Variants in CILK1 observed in about 807,000 individuals in gnomAD.
CILK1 encodes ciliogenesis associated kinase 1.
In CILK1, 47 loss-of-function variants were observed where a neutral mutation model predicts 79.2. That is an observed-to-expected ratio of 0.59 (90% CI 0.47 to 0.76). The LOEUF is 0.76. Among genes scored for constraint, CILK1 ranks in the 30% least tolerant of loss-of-function variants. The probability of loss-of-function intolerance (pLI) is 0.00; values close to 1 mark genes in which losing one functional copy is unlikely to be tolerated. For missense variants in CILK1, 660 were observed against 769.5 expected (o/e 0.86, Z 1.68); for synonymous variants, 266 against 275.9 (o/e 0.96, Z 0.36).
Position 53,013,854 on chromosome 6 carries a change from G to A in CILK1, c.960C>T (p.Val320=). ...KAGPPPYIKP[V]PPAQPPAKPH... The stretch of plus-strand genomic sequence containing the variant: ...GCTTGGCTGGTGGCTGGGCAGGTGG[G>A]ACTGGCTTAATATAAGGAGGTGGGC... Residue 320 remains valine (V), a synonymous_variant, in exon 9 of 14, where the codon GTC becomes GTT. Transcript: ENST00000676107. 1 of 1,614,092 alleles carries A rather than the reference G, an allele frequency of 6.2e-7. No homozygotes were observed. Among genetic ancestry groups the A allele is most frequent in the Non-Finnish European group, 8.5e-7 (1 of 1,179,966 alleles).
At chr6:53,017,256 G>A (rs1212569862) in intron 7 of CILK1, among the ~76,000 whole-genome samples, 1 of 152,146 alleles carries the variant, frequency 6.6e-6, no homozygotes, top group Non-Finnish European at 1.5e-5. Context: ...GCTGGGACCT[G>A]GGAAAATAAA....
At position 53,041,304 on chromosome 6, in the gene CILK1, C is replaced by G. The variant is rs890420570; in HGVS notation, c.-68G>C. On this transcript the variant is annotated 5_prime_UTR_variant, in exon 2 of 14. Transcript: ENST00000676107. ...GGTTCAGTTCTGCAGTGGTAGCAGTCCTCCCCAGAGTGTAACCAGATTTTT... is the reference window on the plus strand; with the variant it reads ...GGTTCAGTTCTGCAGTGGTAGCAGTGCTCCCCAGAGTGTAACCAGATTTTT... 15 of 1,092,198 alleles carry G rather than the reference C, an allele frequency of 1.4e-5. No homozygotes were observed. In the African/African-American group the frequency reaches 2.3e-4, roughly 17 times the overall value. 67.7% of individuals were successfully genotyped at this position (1,092,198 alleles called of 1,614,324 possible).
chr6:53,032,838 A>G (rs1046166123), intron 3 of CILK1, among the ~76,000 whole-genome samples, 184 bp from the exon 4 acceptor site: 3 of 152,254 alleles, frequency 2.0e-5, no homozygotes, highest in African/African-American at 7.2e-5. Context: ...AACTTTACAT[A>G]GAAAAACTAC....
chr6:53,043,465 T>C (rs1177413861), intron 1 of CILK1, among the ~76,000 whole-genome samples: 1 of 152,010 alleles, frequency 6.6e-6, no homozygotes, highest in Non-Finnish European at 1.5e-5. Flanking sequence ...CAAACAAGCT[T>C]TTAGAGATCA....
At chr6:53,013,230 T>C (rs1480162600) in intron 9 of CILK1, among the ~76,000 whole-genome samples, 4 of 152,230 alleles carry the variant, frequency 2.6e-5, no homozygotes, top group Non-Finnish European at 4.4e-5. Flanking sequence ...GTGCCAGGTA[T>C]TATTCTAAAT....
rs552714715 is a variant in CILK1, at chr6:53,025,994, G to T, written c.358+5071C>A. Reference sequence around the variant, plus strand: ...GCGGGTAGGTGTGCAGACCAGCCAAGTTGCCTGATTTCAAATCATAATTCT... The same window carrying T: ...GCGGGTAGGTGTGCAGACCAGCCAATTTGCCTGATTTCAAATCATAATTCT... On this transcript the variant is annotated intron_variant, in intron 5 of 13. Coordinates refer to ENST00000676107, the MANE Select transcript of CILK1 (RefSeq NM_014920.5). Among the ~76,000 whole-genome samples the T allele has an allele frequency of 3.3e-5, 5 of 152,264 alleles. No homozygotes were observed. The South Asian group carries it at 1.0e-3, about 32-fold the overall frequency.
intron 4 of CILK1, 81 bp from the exon 5 acceptor site, chr6:53,031,225 C>T: frequency 1.1e-6 from 1 of 886,592 alleles, no homozygotes; most frequent in Admixed American, 1.7e-5. Context: ...ACCATTTGTC[C>T]ATACAGGGGA....
chr6:53,044,787 TC>T (rs1766951414), intron 1 of CILK1, among the ~76,000 whole-genome samples: 1 of 151,938 alleles, frequency 6.6e-6, no homozygotes, highest in African/African-American at 2.4e-5. Flanking sequence ...CTTTTACCTC[TC>T]CCCCACACAC....
At chr6:53,015,527 T>C (rs1764840752) in intron 8 of CILK1, among the ~76,000 whole-genome samples, 1 of 152,224 alleles carries the variant, frequency 6.6e-6, no homozygotes, top group Non-Finnish European at 1.5e-5. Context: ...GTTTTCTCAC[T>C]CACAGAATTG....
chr6:53,030,332 T>C (rs1319209891), intron 5 of CILK1, among the ~76,000 whole-genome samples: 2 of 152,220 alleles, frequency 1.3e-5, no homozygotes, highest in African/African-American at 4.8e-5. Context: ...TCATGTTACA[T>C]ACCGTCCTCT....
At position 53,018,401 on chromosome 6, in the gene CILK1, G is replaced by C; in HGVS notation, c.592C>G (p.Pro198Ala). The change falls in exon 7 of 14, where the codon CCA becomes GCA. Residue 198 changes from proline to alanine, a missense_variant. Transcript: ENST00000676107. The stretch of plus-strand genomic sequence containing the variant: ...ATTTCACTGGCTCCAGGGAAGAGTG[G>C]CCTGAGGGTGTAAACTTCTGCCATG... ...CIMAEVYTLR[P>A]LFPGASEIDT... The C allele has an allele frequency of 1.2e-6, 2 of 1,614,150 alleles. No individual in the cohort carries two copies. The highest frequency in any genetic ancestry group is 1.1e-5 in the South Asian group (1 of 91,078).
chr6:53,009,243 C>T (rs1354331906), intron 12 of CILK1, among the ~76,000 whole-genome samples, 196 bp downstream of exon 12: 1 of 152,238 alleles, frequency 6.6e-6, no homozygotes, highest in African/African-American at 2.4e-5. Context: ...GGAAGGCAGA[C>T]TCCCCTGGGA....
At chr6:53,028,465 C>A (rs1039222936) in intron 5 of CILK1, among the ~76,000 whole-genome samples, 1 of 152,172 alleles carries the variant, frequency 6.6e-6, no homozygotes, top group Non-Finnish European at 1.5e-5. Context: ...TGCAATGGGA[C>A]CTTTCACAGG....
rs779782166 is a variant in CILK1 at position 53,018,395 on chromosome 6, A to C, written c.598T>G (p.Phe200Val). The C allele has an allele frequency of 2.5e-6, 4 of 1,614,094 alleles. No homozygotes were observed. Among genetic ancestry groups the C allele is most frequent in the African/African-American group, 1.3e-5 (1 of 74,932 alleles). ...GTGTCAATTTCACTGGCTCCAGGGA[A>C]GAGTGGCCTGAGGGTGTAAACTTCT... ...MAEVYTLRPLFPGASEIDTIF... is the reference protein window; with the variant it reads ...MAEVYTLRPLVPGASEIDTIF... Residue 200 changes from phenylalanine to valine, a missense_variant, in exon 7 of 14, where the codon TTC becomes GTC. Phe to Val is a conservative substitution (Grantham distance 50, BLOSUM62 -1). Coordinates refer to ENST00000676107, the MANE Select transcript of CILK1 (RefSeq NM_014920.5).
intron 5 of CILK1, among the ~76,000 whole-genome samples, chr6:53,027,880 G>T (rs1280547645): frequency 6.6e-6 from 1 of 152,006 alleles, no homozygotes; most frequent in Non-Finnish European, 1.5e-5. Context: ...GGGCACAGTG[G>T]CTCATGCCTG....
intron 5 of CILK1, among the ~76,000 whole-genome samples, chr6:53,027,138 A>G (rs1765630370): frequency 6.6e-6 from 1 of 152,256 alleles, no homozygotes; most frequent in Admixed American, 6.5e-5. Context: ...TGTTTTTATC[A>G]AGAAGGCTAG....
chr6:53,009,439 CT>C lies in CILK1; in HGVS notation c.1620del (p.Val541LeufsTer11). 1 of 1,614,100 alleles carries C rather than the reference CT, an allele frequency of 6.2e-7. No homozygotes were observed. The highest frequency in any genetic ancestry group is 8.5e-7 in the Non-Finnish European group (1 of 1,179,954). On this transcript the variant is annotated frameshift_variant and splice_region_variant, in exon 12 of 14. Coordinates refer to ENST00000676107, the MANE Select transcript of CILK1 (RefSeq NM_014920.5). LOFTEE classifies it high-confidence loss of function. ...TTAGGGGTTAATGATCATTACTCAC[CT>C]GAATTTACTTTGCTGATTACTGACA... ...GTMSVISKVNSVGSSSTSSSG... is the reference protein window; with the variant it reads ...GTMSVISKVNXVGSSSTSSSG...
At chr6:53,029,135 C>T (rs1765763183) in intron 5 of CILK1, among the ~76,000 whole-genome samples, 1 of 152,118 alleles carries the variant, frequency 6.6e-6, no homozygotes, top group Admixed American at 6.5e-5. Context: ...AGAAAATAGC[C>T]TGAAAAACTG....
At chr6:53,047,491 A>T (rs1581757402) in intron 1 of CILK1, among the ~76,000 whole-genome samples, 14 of 88,854 alleles carry the variant, frequency 1.6e-4, no homozygotes, top group African/African-American at 4.1e-4. Flanking sequence ...TTTTTAAGAG[A>T]TGAGGTCTCT....
Sources: gnomAD v4.1 joint callset for allele counts (sites outside exome capture counted in the v4.1 genomes callset) on GRCh38, gnomAD v4.1.1 for gene constraint, MANE v1.5 for transcripts, NCBI Gene and HGNC (gene_info 2026-07-23, HGNC 2026-07-21) for gene names.